Variants in RAB30 observed in about 807,000 individuals in gnomAD.
The protein encoded by RAB30 is RAB30, member RAS oncogene family.
In RAB30, 9 loss-of-function variants were observed where a neutral mutation model predicts 25.1. The ratio of observed to expected loss-of-function variants is 0.36; its 90% CI spans 0.22 to 0.63. RAB30 has a LOEUF of 0.63. RAB30 is among the 20% of genes least tolerant of loss of function. RAB30 has a pLI of 0.69. For missense variants in RAB30, 140 were observed against 243.5 expected (o/e 0.58, Z 2.83); for synonymous variants, 77 against 86.4 (o/e 0.89, Z 0.60).
chr11:83,018,631 A>G (rs1425818356), intron 1 of RAB30, among the ~76,000 whole-genome samples: 3 of 151,652 alleles, frequency 2.0e-5, no homozygotes, highest in Non-Finnish European at 1.5e-5. Flanking sequence ...ATTTTCTCCC[A>G]CTCTGTGGGT....
intron 1 of RAB30, among the ~76,000 whole-genome samples, chr11:83,025,577 G>A (rs1183726573): frequency 6.6e-6 from 1 of 152,170 alleles, no homozygotes; most frequent in Admixed American, 6.5e-5. Flanking sequence ...TATCCAGTCT[G>A]AGAGTTAACA....
chr11:83,018,349 A>G (rs78090323), intron 1 of RAB30, among the ~76,000 whole-genome samples: 17,272 of 150,936 alleles, frequency 0.11, 1,170 homozygotes, highest in African/African-American at 0.19. Context: ...CTGCACCAAC[A>G]TTTACTATTT....
intron 1 of RAB30, among the ~76,000 whole-genome samples, chr11:83,050,920 CAA>C (rs1858344964): frequency 6.6e-6 from 1 of 152,260 alleles, no homozygotes; most frequent in South Asian, 2.1e-4. Context: ...GCCTGGGCAA[CAA>C]AGCGAGACTC....
At position 82,975,698 on chromosome 11, in the gene RAB30, G is replaced by A. The variant is rs149718847; in HGVS notation, c.*6467C>T. On this transcript the variant is annotated 3_prime_UTR_variant, in exon 5 of 5. Transcript: ENST00000527633. The stretch of plus-strand genomic sequence containing the variant: ...TCAATTATGTAACTAAAGAATCAAA[G>A]TATGTATATATAACTGAAGAGTTAA... 1.5e-3 allele frequency: 232 copies of A among 152,220 alleles called. 1 individual carries two copies. Among genetic ancestry groups the A allele is most frequent in the African/African-American group, 4.8e-3 (198 of 41,544 alleles). The allele number at this position is 152,220 out of a possible 1,614,324, so 9.4% of individuals were successfully genotyped here.
At chr11:82,992,346 C>T (rs1856867565) in intron 3 of RAB30, 1 of 456,146 alleles carries the variant, frequency 2.2e-6, no homozygotes. Context: ...TCCAGCTCCC[C>T]ATTCACTGCT....
At position 82,976,580 on chromosome 11, in the gene RAB30, A is replaced by C. The variant is rs1856549957; in HGVS notation, c.*5585T>G. The C allele has an allele frequency of 6.6e-6, 1 of 152,154 alleles. No individual in the cohort carries two copies. Among genetic ancestry groups the C allele is most frequent in the Admixed American group, 6.5e-5 (1 of 15,272 alleles). 9.4% of individuals were successfully genotyped at this position (152,154 alleles called of 1,614,324 possible). ...CTGCTTTAAATCAATGGAAAAGTAAAATTTTGGCTCATACCTCAAGAAGTC... is the reference window on the plus strand; with the variant it reads ...CTGCTTTAAATCAATGGAAAAGTAACATTTTGGCTCATACCTCAAGAAGTC... On this transcript the variant is annotated 3_prime_UTR_variant, in exon 5 of 5. Coordinates refer to ENST00000527633, the MANE Select transcript of RAB30 (RefSeq NM_001286060.2).
At chr11:83,060,523 G>A (rs1354289644) in intron 1 of RAB30, among the ~76,000 whole-genome samples, 2 of 152,142 alleles carry the variant, frequency 1.3e-5, no homozygotes, top group Non-Finnish European at 2.9e-5. Flanking sequence ...GTTACAAACT[G>A]ACATTAGGTG....
intron 2 of RAB30, among the ~76,000 whole-genome samples, chr11:82,996,359 C>A (rs1856959070): frequency 6.6e-6 from 1 of 152,156 alleles, no homozygotes; most frequent in South Asian, 2.1e-4. Context: ...AGGGGCAGAA[C>A]CAGGACTAAG....
chr11:83,050,317 G>A (rs575463024), intron 1 of RAB30, among the ~76,000 whole-genome samples: 2 of 151,936 alleles, frequency 1.3e-5, no homozygotes, highest in Non-Finnish European at 2.9e-5. Flanking sequence ...TTGTTTGCAT[G>A]ATTGTCTCTC....
intron 1 of RAB30, among the ~76,000 whole-genome samples, chr11:83,070,687 T>C (rs904859403): frequency 6.6e-6 from 1 of 152,096 alleles, no homozygotes; most frequent in Non-Finnish European, 1.5e-5. Context: ...ATCATGTAAG[T>C]CAGAATGCTT....
chr11:83,038,395 C>T (rs1404615667), intron 1 of RAB30, among the ~76,000 whole-genome samples: 4 of 152,138 alleles, frequency 2.6e-5, no homozygotes, highest in Admixed American at 6.5e-5. Flanking sequence ...AATTGATTAG[C>T]GCTGTGTCCT....
intron 1 of RAB30, among the ~76,000 whole-genome samples, chr11:83,061,306 C>T (rs879401075): frequency 4.6e-5 from 7 of 152,098 alleles, no homozygotes; most frequent in Non-Finnish European, 1.0e-4. Flanking sequence ...CTGGAGAACA[C>T]TGACTAATAC....
chr11:83,016,933 A>G (rs1199118571), intron 1 of RAB30, among the ~76,000 whole-genome samples: 1 of 152,166 alleles, frequency 6.6e-6, no homozygotes, highest in East Asian at 1.9e-4. Flanking sequence ...CAGGACCCTC[A>G]ATGGTTGCCC....
chr11:83,025,006 G>A lies in RAB30; in HGVS notation c.-8-27682C>T, dbSNP rs116709740. Among the ~76,000 whole-genome samples the A allele has an allele frequency of 2.2e-3, 333 of 152,290 alleles. 1 individual carries two copies. The highest frequency in any genetic ancestry group is 7.7e-3 in the African/African-American group (322 of 41,568). ...CCGTTTAACCGAGCATCCCAAGTTT[G>A]TTTGAACGCTAGTAAGTTCCCTATT... On this transcript the variant is annotated intron_variant, in intron 1 of 4. Transcript: ENST00000527633.
chr11:83,029,016 C>T (rs1375772286), intron 1 of RAB30, among the ~76,000 whole-genome samples: 7 of 152,060 alleles, frequency 4.6e-5, no homozygotes, highest in African/African-American at 9.7e-5. Flanking sequence ...GAGTGAGACC[C>T]TTTCTCAAAA....
At chr11:83,046,397 T>C (rs940593593) in intron 1 of RAB30, among the ~76,000 whole-genome samples, 1 of 152,226 alleles carries the variant, frequency 6.6e-6, no homozygotes, top group Admixed American at 6.5e-5. Flanking sequence ...GTTTCCTCAT[T>C]GGTAAAATGA....
chr11:83,057,247 A>G (rs1565291473), intron 1 of RAB30, among the ~76,000 whole-genome samples: 1 of 151,140 alleles, frequency 6.6e-6, no homozygotes, highest in South Asian at 2.1e-4. Flanking sequence ...TTAATCATTC[A>G]TATTTTGAGG....
intron 1 of RAB30, among the ~76,000 whole-genome samples, chr11:83,018,521 A>T (rs932985240): frequency 1.3e-5 from 2 of 152,042 alleles, no homozygotes; most frequent in Non-Finnish European, 1.5e-5. Flanking sequence ...TCCTTTGACC[A>T]CTTTTTGATA....
chr11:83,011,542 G>A (rs559624533), intron 1 of RAB30, among the ~76,000 whole-genome samples: 5 of 152,280 alleles, frequency 3.3e-5, no homozygotes, highest in South Asian at 2.1e-4. Flanking sequence ...AGAACATGGC[G>A]AGTACTGTGT....
Sources: allele counts gnomAD v4.1 joint callset (sites outside exome capture counted in the v4.1 genomes callset), GRCh38; gene constraint gnomAD v4.1.1; transcripts MANE v1.5; gene names NCBI Gene and HGNC (gene_info 2026-07-23, HGNC 2026-07-21).